The following ACBD6 variants were observed in gnomAD, a reference collection of about 807,000 sequenced individuals.
ACBD6 encodes the protein acyl-CoA binding domain containing 6.
ACBD6 carries 28 observed loss-of-function variants against 37.2 expected under a neutral mutation model. The ratio of observed to expected loss-of-function variants is 0.75; its 90% confidence interval spans 0.56 to 1.03. The LOEUF (loss-of-function observed/expected upper bound fraction) is 1.03, where lower values mean the gene tolerates loss of function less well. ACBD6 is among the 50% of genes least tolerant of loss of function. ACBD6 has a pLI of 0.00. For synonymous variants in ACBD6, 113 were observed against 126.8 expected (o/e 0.89, Z 0.73); for missense variants, 340 against 337.4 (o/e 1.01, Z -0.06).
At chr1:180,500,771 G>T (rs1451060214) in intron 1 of ACBD6, among the ~76,000 whole-genome samples, 2 of 143,732 alleles carry the variant, frequency 1.4e-5, no homozygotes, top group Non-Finnish European at 3.0e-5. Context: ...CAGGTGGATC[G>T]TCTGAGCTCA....
At chr1:180,420,811 T>C (rs958788138) in intron 4 of ACBD6, among the ~76,000 whole-genome samples, 2 of 152,154 alleles carry the variant, frequency 1.3e-5, no homozygotes, top group South Asian at 2.1e-4. Flanking sequence ...AACAGTTTTA[T>C]AGGTAAGTAT....
chr1:180,389,322 A>G (rs9729219), intron 6 of ACBD6, among the ~76,000 whole-genome samples: 76,876 of 152,014 alleles, frequency 0.51, 21,493 homozygotes, highest in South Asian at 0.66. Context: ...CCCTACAAAG[A>G]ACATGAATTC....
chr1:180,339,745 C>A (rs917730836), intron 6 of ACBD6, among the ~76,000 whole-genome samples: 2 of 151,174 alleles, frequency 1.3e-5, no homozygotes, highest in Non-Finnish European at 2.9e-5. Context: ...GTTCTAAGGA[C>A]AGCAAACAAG....
At chr1:180,308,617 C>A (rs902553132) in intron 7 of ACBD6, among the ~76,000 whole-genome samples, 1 of 152,188 alleles carries the variant, frequency 6.6e-6, no homozygotes, top group African/African-American at 2.4e-5. Context: ...CTAATCTCTA[C>A]CCCTTTGCCT....
chr1:180,422,036 C>CT (rs1557863075), intron 4 of ACBD6, among the ~76,000 whole-genome samples: 1 of 152,084 alleles, frequency 6.6e-6, no homozygotes, highest in Admixed American at 6.6e-5. Context: ...CACAGAATGA[C>CT]TTTTTTCTCA....
intron 3 of ACBD6, among the ~76,000 whole-genome samples, chr1:180,481,073 G>A (rs1264851579): frequency 1.3e-5 from 2 of 151,834 alleles, no homozygotes; most frequent in Non-Finnish European, 2.9e-5. Context: ...ATCAGATCTG[G>A]CACTACTGAG....
intron 7 of ACBD6, among the ~76,000 whole-genome samples, chr1:180,313,631 C>T (rs1467676544): frequency 6.6e-6 from 1 of 152,180 alleles, no homozygotes; most frequent in Non-Finnish European, 1.5e-5. Flanking sequence ...TATTCCTTCC[C>T]AAAAGGTTGA....
intron 5 of ACBD6, among the ~76,000 whole-genome samples, chr1:180,406,782 A>T (rs1185588899): frequency 2.6e-5 from 4 of 152,212 alleles, no homozygotes; most frequent in Non-Finnish European, 5.9e-5. Context: ...GTAAAAACGT[A>T]TATTATCCCA....
chr1:180,296,671 C>T (rs1649931303), intron 7 of ACBD6, among the ~76,000 whole-genome samples: 1 of 151,488 alleles, frequency 6.6e-6, no homozygotes, highest in Non-Finnish European at 1.5e-5. Context: ...CCTCAAGTGA[C>T]CCGCCCACCC....
chr1:180,426,529 A>G (rs2101991747), intron 4 of ACBD6, among the ~76,000 whole-genome samples: 1 of 152,318 alleles, frequency 6.6e-6, no homozygotes. Context: ...ACTCCCTGTT[A>G]TAAGATTTGT....
intron 6 of ACBD6, among the ~76,000 whole-genome samples, chr1:180,387,635 C>T (rs751587975): frequency 5.9e-5 from 9 of 152,206 alleles, no homozygotes; most frequent in Non-Finnish European, 1.2e-4. Context: ...AGAAGCACTG[C>T]TTGCTACCAC....
rs74132470 is a variant in ACBD6, at chr1:180,357,917, G to A, written c.663+39599C>T. The stretch of plus-strand genomic sequence containing the variant: ...GGTCGTTCATATTGTGTTAACTCTT[G>A]AATTTGGGGTAAAATTTTATAGCCC... On this transcript the variant is annotated intron_variant, in intron 6 of 7. Coordinates refer to ENST00000367595, the MANE Select transcript of ACBD6 (RefSeq NM_032360.4). 6.7e-3 allele frequency among the ~76,000 whole-genome samples: 1,016 copies of A among 152,222 alleles called. 17 individuals are homozygous for A. The highest frequency in any genetic ancestry group is 0.023 in the African/African-American group (970 of 41,538).
chr1:180,469,303 TTTTG>T (rs1650468716), intron 3 of ACBD6, among the ~76,000 whole-genome samples: 1 of 152,200 alleles, frequency 6.6e-6, no homozygotes. Flanking sequence ...ACATTGGTAG[TTTTG>T]AAAGTAAAGC....
At chr1:180,499,442 G>C (rs1275814567) in intron 1 of ACBD6, among the ~76,000 whole-genome samples, 1 of 152,114 alleles carries the variant, frequency 6.6e-6, no homozygotes, top group Non-Finnish European at 1.5e-5. Context: ...GAAAGGATGA[G>C]GGACATCCCT....
chr1:180,314,417 G>C (rs1353925563), intron 7 of ACBD6, among the ~76,000 whole-genome samples: 1 of 152,042 alleles, frequency 6.6e-6, no homozygotes, highest in Non-Finnish European at 1.5e-5. Context: ...GCTAATTTTT[G>C]TATTTTTAGT....
At chr1:180,271,631 C>G in exon 14 of ACBD6, 2 of 1,491,024 alleles carry the variant, frequency 1.3e-6, no homozygotes, top group South Asian at 2.3e-5. Context: ...TGGTTGGGCT[C>G]AGGGCTTGAC....
intron 6 of ACBD6, among the ~76,000 whole-genome samples, chr1:180,390,041 C>T (rs1167025927): frequency 6.6e-6 from 1 of 151,892 alleles, no homozygotes; most frequent in Non-Finnish European, 1.5e-5. Context: ...CTTTTGTTGC[C>T]ATTGCTTTTG....
chr1:180,335,540 C>T (rs1651676348), intron 6 of ACBD6, among the ~76,000 whole-genome samples: 2 of 152,106 alleles, frequency 1.3e-5, no homozygotes, highest in Admixed American at 1.3e-4. Context: ...ACAACAGGTA[C>T]CAGCCACTGC....
chr1:180,442,824 C>T (rs1649332214), intron 3 of ACBD6, among the ~76,000 whole-genome samples: 1 of 149,320 alleles, frequency 6.7e-6, no homozygotes, highest in African/African-American at 2.5e-5. Context: ...GATACTTTTG[C>T]ATCTTCCATC....
Sources: gnomAD v4.1 joint callset for allele counts (sites outside exome capture counted in the v4.1 genomes callset) on GRCh38, gnomAD v4.1.1 for gene constraint, MANE v1.5 for transcripts, NCBI Gene and HGNC (gene_info 2026-07-23, HGNC 2026-07-21) for gene names.